Variants in USP34 observed in about 807,000 individuals in gnomAD.
USP34 encodes ubiquitin carboxyl-terminal hydrolase 34.
USP34 carries 70 observed loss-of-function variants against 460.3 expected under a neutral mutation model. The ratio of observed to expected loss-of-function variants is 0.15; its 90% CI spans 0.13 to 0.19. USP34 has a LOEUF of 0.19. Ranked by LOEUF, USP34 falls within the 10% of genes least tolerant of loss-of-function variation. The pLI is 1.00. For missense variants in USP34, 3,985 were observed against 4,236.2 expected (o/e 0.94, Z 1.65); for synonymous variants, 1,647 against 1,405.3 (o/e 1.17, Z -3.85).
intron 19 of USP34, among the ~76,000 whole-genome samples, chr2:61,333,415 G>A (rs764224765): frequency 1.3e-5 from 2 of 151,928 alleles, no homozygotes; most frequent in Non-Finnish European, 2.9e-5. Flanking sequence ...TCCTACTGAT[G>A]CTCCAAAAAT....
intron 62 of USP34, chr2:61,223,804 C>G (rs1024501297): frequency 6.5e-6 from 1 of 152,894 alleles, no homozygotes; most frequent in African/African-American, 2.4e-5. Flanking sequence ...AGGATTCAGG[C>G]ACAAGCCACT....
At chr2:61,315,117 C>G (rs1690702785) in intron 23 of USP34, 143 bp from the exon 24 acceptor site, 5 of 589,594 alleles carry the variant, frequency 8.5e-6, no homozygotes, top group Admixed American at 3.4e-5. Context: ...TAAAAATTTC[C>G]TCAATTGATG....
Position 61,404,278 on chromosome 2 carries a change from C to CA in USP34, c.552+1429dup, listed in dbSNP as rs1051250432. 2.2e-4 allele frequency among the ~76,000 whole-genome samples: 34 copies of CA among 151,642 alleles called. No homozygotes were observed. In the South Asian group the frequency reaches 3.5e-3, roughly 16 times the overall value. ...AGAAAAGAGACAGATAAAAAACAAA[C>CA]AAAAAAAATGTCATAGATTCTCTAA... On this transcript the variant is annotated intron_variant, in intron 3 of 79. Transcript: ENST00000398571.
intron 67 of USP34, among the ~76,000 whole-genome samples, chr2:61,216,987 A>AT (rs891742985): frequency 1.2e-4 from 18 of 151,328 alleles, no homozygotes; most frequent in African/African-American, 4.1e-4. Context: ...TCTTTGAGTT[A>AT]TTTTTTTGGA....
intron 1 of USP34, among the ~76,000 whole-genome samples, chr2:61,449,606 C>T (rs778241459): frequency 6.6e-6 from 1 of 151,580 alleles, no homozygotes; most frequent in Non-Finnish European, 1.5e-5. Context: ...GTAGTACTGG[C>T]GTAAGGATAG....
At chr2:61,377,280 A>G (rs753180456) in intron 8 of USP34, among the ~76,000 whole-genome samples, 2 of 152,198 alleles carry the variant, frequency 1.3e-5, no homozygotes, top group Non-Finnish European at 2.9e-5. Flanking sequence ...AAGTTACACT[A>G]AAGTATGACT....
intron 27 of USP34, among the ~76,000 whole-genome samples, chr2:61,307,834 G>C (rs969643773): frequency 6.6e-6 from 1 of 152,070 alleles, no homozygotes; most frequent in Non-Finnish European, 1.5e-5. Context: ...GATAGCTTGA[G>C]ACCAGGAGTT....
chr2:61,204,795 G>C (rs1178761385), intron 72 of USP34, among the ~76,000 whole-genome samples, 194 bp from the exon 73 acceptor site: 2 of 152,136 alleles, frequency 1.3e-5, no homozygotes, highest in African/African-American at 4.8e-5. Context: ...CGACAATAGG[G>C]CATCATTTGG....
At chr2:61,444,195 C>T (rs544639726) in intron 1 of USP34, among the ~76,000 whole-genome samples, 1 of 152,182 alleles carries the variant, frequency 6.6e-6, no homozygotes, top group African/African-American at 2.4e-5. Flanking sequence ...GTCAAGGTGA[C>T]AAGATTCTGC....
Position 61,470,851 on chromosome 2 carries a change from G to C in USP34, c.-159C>G. ...GGCGGGGACGGGGCGGGGAGCAAGA[G>C]AATGGGGGAGGGGGCCGGCGGTCCC... On this transcript the variant is annotated 5_prime_UTR_variant, in exon 1 of 80. Transcript: ENST00000398571. The C allele has an allele frequency of 3.9e-6, 1 of 255,196 alleles. No individual in the cohort carries two copies. Among genetic ancestry groups the C allele is most frequent in the Non-Finnish European group, 8.0e-6 (1 of 125,578 alleles). 15.8% of individuals were successfully genotyped at this position (255,196 alleles called of 1,614,324 possible).
At chr2:61,324,714 T>C (rs755475851) in intron 21 of USP34, among the ~76,000 whole-genome samples, 3 of 151,960 alleles carry the variant, frequency 2.0e-5, no homozygotes, top group Non-Finnish European at 2.9e-5. Flanking sequence ...ACAGCTGCAA[T>C]GAGCTGTGAT....
chr2:61,227,692 C>G (rs547980643), intron 61 of USP34, among the ~76,000 whole-genome samples: 2 of 151,480 alleles, frequency 1.3e-5, no homozygotes, highest in African/African-American at 4.9e-5. Flanking sequence ...GCCTGGGAGA[C>G]AGAGTGAGAC....
chr2:61,220,264 T>TTTA, intron 67 of USP34, 46 bp downstream of exon 67: 1 of 1,534,914 alleles, frequency 6.5e-7, no homozygotes, highest in Non-Finnish European at 8.8e-7. Context: ...AACATAACTT[T>TTTA]GAACAATAAA....
chr2:61,460,821 A>G (rs1695576588), intron 1 of USP34, among the ~76,000 whole-genome samples: 1 of 151,966 alleles, frequency 6.6e-6, no homozygotes. Context: ...TGTCTCTACT[A>G]AAAACATAAA....
At chr2:61,189,253 T>G in intron 78 of USP34, 184 bp from the exon 79 acceptor site, 3 of 550,002 alleles carry the variant, frequency 5.5e-6, no homozygotes, top group East Asian at 6.8e-5. Flanking sequence ...CAGCATTTCA[T>G]TAGTTGTTTT....
chr2:61,334,070 G>A (rs989914633), intron 18 of USP34, 99 bp from the exon 19 acceptor site: 1 of 753,810 alleles, frequency 1.3e-6, no homozygotes, highest in South Asian at 2.8e-5. Flanking sequence ...AATGAATCTT[G>A]CATAGAGACA....
chr2:61,334,019 T>C (rs754484237), intron 18 of USP34, 48 bp from the exon 19 acceptor site: 7 of 1,379,306 alleles, frequency 5.1e-6, no homozygotes, highest in East Asian at 4.9e-5. Context: ...ATTCTTTTTA[T>C]AGAAATTCAG....
In USP34 at chr2:61,188,467, C is replaced by T; in HGVS notation, c.10276G>A (p.Asp3426Asn). ...RMEVPSSFSE[D>N]MSNIRSQHAE... ...TGCTGTGACCTGATATTTGACATGT[C>T]TTCTGAAAACGAAGATGGAACTTCC... The change falls in exon 80 of 80, where the codon GAC (aspartate) becomes AAC (asparagine). Residue 3426 changes from aspartate (D) to asparagine (N), a missense_variant. Asp to Asn is a conservative substitution (Grantham distance 23). Around this residue, in one of 14 missense-constraint regions of USP34, gnomAD observed 506 missense variants for 439.0 expected, o/e 1.15. Transcript: ENST00000398571. 2 of 1,614,184 alleles carry T rather than the reference C, an allele frequency of 1.2e-6. No individual in the cohort carries two copies. Among genetic ancestry groups the T allele is most frequent in the Non-Finnish European group, 1.7e-6 (2 of 1,180,024 alleles).
rs1421928072 is a variant in USP34 at position 61,417,253 on chromosome 2, CA to C, written c.131+3492del. The C allele has an allele frequency of 5.0e-5, 63 of 1,271,752 alleles. 2 individuals are homozygous for C. The Admixed American group carries it at 1.1e-3, about 22-fold the overall frequency. The allele number at this position is 1,271,752 out of a possible 1,614,324, so 78.8% of individuals were successfully genotyped here. On this transcript the variant is annotated intron_variant, in intron 2 of 79. Coordinates refer to ENST00000398571, the MANE Select transcript of USP34 (RefSeq NM_014709.4). Reference sequence around the variant, plus strand: ...AACATACATCTGAAAGGCCTGTCTCCAAGGTCCCTTAGAGCAACCTATACAA... The same window carrying C: ...AACATACATCTGAAAGGCCTGTCTCCAGGTCCCTTAGAGCAACCTATACAA...
Sources: allele counts gnomAD v4.1 joint callset (sites outside exome capture counted in the v4.1 genomes callset), GRCh38; gene constraint gnomAD v4.1.1; regional missense constraint gnomAD v4.1.1; transcripts MANE v1.5; gene names NCBI Gene and HGNC (gene_info 2026-07-23, HGNC 2026-07-21).